PPP1R16A: variants seen among roughly 807,000 people sequenced by gnomAD.
PPP1R16A encodes protein phosphatase 1 regulatory subunit 16A.
In PPP1R16A, 39 loss-of-function variants were observed where a neutral mutation model predicts 46.6. The observed-to-expected ratio is 0.84, with a 90% confidence interval of 0.65 to 1.09. The LOEUF is 1.09. Ranked by LOEUF, PPP1R16A falls within the 50% of genes least tolerant of loss-of-function variation. The pLI is 0.00. For synonymous variants in PPP1R16A, 413 were observed against 321.5 expected (o/e 1.28, Z -3.04); for missense variants, 798 against 735.6 (o/e 1.08, Z -0.98).
At chr8:144,496,193 C>G (rs1826056667) in intron 2 of PPP1R16A, 1 of 152,420 alleles carries the variant, frequency 6.6e-6, no homozygotes, top group Admixed American at 6.5e-5. Context: ...GGTGGGCGGC[C>G]CTTTCTGGAA....
intron 5 of PPP1R16A, 184 bp downstream of exon 5, chr8:144,499,245 C>T: frequency 1.3e-6 from 1 of 795,154 alleles, no homozygotes; most frequent in Non-Finnish European, 1.9e-6. Context: ...GGCATGTGCC[C>T]AGGGCAGCGC....
At chr8:144,498,354 G>A (rs1352162195) in intron 3 of PPP1R16A, 3 of 341,690 alleles carry the variant, frequency 8.8e-6, no homozygotes, top group African/African-American at 6.4e-5. Context: ...GGGAGCCTCA[G>A]GTCAGGTCCC....
rs1018408175 is a variant in PPP1R16A, at chr8:144,490,141, G to A, written c.-806G>A. 2 of 152,356 alleles carry A rather than the reference G, an allele frequency of 1.3e-5. No homozygotes were observed. The highest frequency in any genetic ancestry group is 4.8e-5 in the African/African-American group (2 of 41,474). The allele number at this position is 152,356 out of a possible 1,614,324, so 9.4% of individuals were successfully genotyped here. On this transcript the variant is annotated 5_prime_UTR_variant, in exon 2 of 12. Coordinates refer to ENST00000435887, the MANE Select transcript of PPP1R16A (RefSeq NM_001329443.2). ...TGGCCGGGACACAGAGCCCACGTGT[G>A]GACACCGCTGTGGGTTGGTGGCAGG...
chr8:144,499,745 C>T (rs1168381450), intron 5 of PPP1R16A: 1 of 283,984 alleles, frequency 3.5e-6, no homozygotes, highest in Non-Finnish European at 6.8e-6. Context: ...CCCCACAGCT[C>T]AGCAGCCCCT....
intron 2 of PPP1R16A, among the ~76,000 whole-genome samples, chr8:144,494,022 C>T (rs1213335197): frequency 6.6e-6 from 1 of 152,130 alleles, no homozygotes. Flanking sequence ...ACAAGACAGG[C>T]GTTCCGTCGG....
intron 1 of PPP1R16A, among the ~76,000 whole-genome samples, chr8:144,488,885 G>A (rs1448485716): frequency 2.6e-5 from 4 of 151,778 alleles, no homozygotes; most frequent in African/African-American, 9.7e-5. Flanking sequence ...GTTTCAGGAT[G>A]GAGGGTGGAG....
intron 2 of PPP1R16A, among the ~76,000 whole-genome samples, chr8:144,491,741 C>T (rs1053320924): frequency 7.5e-4 from 105 of 139,288 alleles, no homozygotes; most frequent in African/African-American, 2.6e-3. Context: ...CCAGCCTGGG[C>T]GATGGAGCGA....
chr8:144,491,315 C>T (rs1449131730), intron 2 of PPP1R16A, among the ~76,000 whole-genome samples: 2 of 151,934 alleles, frequency 1.3e-5, no homozygotes, highest in African/African-American at 4.8e-5. Context: ...GATATTGCTA[C>T]AAATAAAATC....
At chr8:144,501,065 G>A (rs1158175229) in intron 10 of PPP1R16A, 64 bp from the exon 11 acceptor site, 3 of 1,561,530 alleles carry the variant, frequency 1.9e-6, no homozygotes, top group African/African-American at 1.4e-5. Context: ...CAGAGTCCGA[G>A]GGGGTGGGCG....
At chr8:144,486,416 G>A (rs1321171190) in intron 1 of PPP1R16A, among the ~76,000 whole-genome samples, 4 of 152,182 alleles carry the variant, frequency 2.6e-5, no homozygotes, top group Non-Finnish European at 5.9e-5. Context: ...GCTGCTGGGT[G>A]GTTTGGGAGT....
intron 1 of PPP1R16A, among the ~76,000 whole-genome samples, chr8:144,489,514 G>A (rs897261315): frequency 2.0e-5 from 3 of 152,110 alleles, no homozygotes; most frequent in Non-Finnish European, 4.4e-5. Context: ...CTAAACTGCT[G>A]CTTCCTTGGA....
At chr8:144,489,340 G>T (rs1193178039) in intron 1 of PPP1R16A, among the ~76,000 whole-genome samples, 1 of 75,388 alleles carries the variant, frequency 1.3e-5, no homozygotes, top group Non-Finnish European at 2.5e-5. Context: ...TGGGAGGGGG[G>T]TTGGACTGGG....
chr8:144,499,789 C>G (rs1586760190), intron 5 of PPP1R16A: 3 of 366,100 alleles, frequency 8.2e-6, no homozygotes, highest in East Asian at 5.6e-5. Flanking sequence ...CCCCCGCCAC[C>G]CTGTGCTCCC....
chr8:144,501,630 C>T lies in PPP1R16A; in HGVS notation c.1314C>T (p.Pro438=), dbSNP rs751827193. 9.3e-6 allele frequency: 15 copies of T among 1,611,024 alleles called. No individual in the cohort carries two copies. The highest frequency in any genetic ancestry group is 1.3e-5 in the Non-Finnish European group (15 of 1,179,086). ...GGAGTGTCTCCTACCAGCTGAGCCCCCTGGACAGCACCACCCCCCACACCC... is the reference window on the plus strand; with the variant it reads ...GGAGTGTCTCCTACCAGCTGAGCCCTCTGGACAGCACCACCCCCCACACCC... ...LDRSVSYQLS[P]LDSTTPHTLV... is the part of the protein sequence containing the mutation. Residue 438 remains proline, a synonymous_variant, in exon 12 of 12, where the codon CCC becomes CCT. Coordinates refer to ENST00000435887, the MANE Select transcript of PPP1R16A (RefSeq NM_001329443.2).
rs539260252 is a variant in PPP1R16A at position 144,501,301 on chromosome 8, G to T, written c.1203+7G>T. 12 of 1,572,820 alleles carry T rather than the reference G, an allele frequency of 7.6e-6. No homozygotes were observed. Among genetic ancestry groups the T allele is most frequent in the Non-Finnish European group, 1.0e-5 (12 of 1,165,248 alleles). ...CAGGCCGCCGCCCCCGGAGGTGAGC[G>T]CCCCGTCCCTGCTCCGCCCAGCGCA... On this transcript the variant is annotated splice_region_variant and intron_variant, in intron 11 of 11. Coordinates refer to ENST00000435887, the MANE Select transcript of PPP1R16A (RefSeq NM_001329443.2).
intron 1 of PPP1R16A, among the ~76,000 whole-genome samples, chr8:144,483,011 G>T (rs1196156118): frequency 2.0e-5 from 3 of 151,762 alleles, no homozygotes; most frequent in African/African-American, 7.3e-5. Context: ...TTGAACTCCT[G>T]ACCTCAGGTG....
chr8:144,500,082 C>T lies in PPP1R16A; in HGVS notation c.477-14C>T, dbSNP rs1450498923. On this transcript the variant is annotated splice_polypyrimidine_tract_variant and intron_variant, in intron 5 of 11. Coordinates refer to ENST00000435887, the MANE Select transcript of PPP1R16A (RefSeq NM_001329443.2). ...AGGGCCTTGTGCCCAGCACCCCGTCCGTCTTCCCTGCAGTGGCGCCAATCT... is the reference window on the plus strand; with the variant it reads ...AGGGCCTTGTGCCCAGCACCCCGTCTGTCTTCCCTGCAGTGGCGCCAATCT... The T allele has an allele frequency of 2.1e-5, 34 of 1,598,570 alleles. No homozygotes were observed. The highest frequency in any genetic ancestry group is 2.7e-5 in the Non-Finnish European group (32 of 1,173,006).
At chr8:144,481,552 G>A (rs1000829113) in intron 1 of PPP1R16A, among the ~76,000 whole-genome samples, 1 of 151,896 alleles carries the variant, frequency 6.6e-6, no homozygotes, top group African/African-American at 2.4e-5. Flanking sequence ...GCTGAGGTAG[G>A]AGAATCCCTT....
chr8:144,483,213 C>CAGTG (rs1329058616), intron 1 of PPP1R16A, among the ~76,000 whole-genome samples: 2 of 152,194 alleles, frequency 1.3e-5, no homozygotes, highest in Non-Finnish European at 2.9e-5. Context: ...CAGAACCAGG[C>CAGTG]AGTGTGTGTA....
Sources: gnomAD v4.1 joint callset for allele counts (sites outside exome capture counted in the v4.1 genomes callset) on GRCh38, gnomAD v4.1.1 for gene constraint, MANE v1.5 for transcripts, NCBI Gene and HGNC (gene_info 2026-07-23, HGNC 2026-07-21) for gene names.